ESRP1: variants seen among roughly 807,000 people sequenced by gnomAD.
ESRP1 encodes epithelial splicing regulatory protein 1.
A neutral mutation model predicts 81.7 loss-of-function variants in ESRP1; 33 were observed. That is an observed-to-expected ratio of 0.40 (90% CI 0.31 to 0.54). ESRP1 has a LOEUF of 0.54. ESRP1 is among the 20% of genes least tolerant of loss of function. ESRP1 has a pLI of 0.41. For missense variants in ESRP1, 672 were observed against 833.1 expected (o/e 0.81, Z 2.38); for synonymous variants, 320 against 303.3 (o/e 1.06, Z -0.57).
At chr8:94,683,638 A>G (rs573969838) in intron 13 of ESRP1, among the ~76,000 whole-genome samples, 2 of 152,364 alleles carry the variant, frequency 1.3e-5, no homozygotes, top group South Asian at 4.1e-4. Context: ...ACAAATGCAG[A>G]CAAGAATTTA....
intron 10 of ESRP1, among the ~76,000 whole-genome samples, chr8:94,670,899 A>G (rs998263732): frequency 1.3e-5 from 2 of 152,184 alleles, no homozygotes; most frequent in Non-Finnish European, 2.9e-5. Context: ...GTCTTGTGCT[A>G]TTATTCAGCA....
chr8:94,681,425 G>A (rs1316953105), intron 13 of ESRP1, among the ~76,000 whole-genome samples: 1 of 150,294 alleles, frequency 6.7e-6, no homozygotes, highest in Non-Finnish European at 1.5e-5. Flanking sequence ...ATCACTTGAG[G>A]TTAGGAGTTT....
Position 94,651,987 on chromosome 8 carries a change from C to CTTTTT in ESRP1, c.490+5724_490+5728dup, listed in dbSNP as rs35903773. ...TGTCTTTGTATTTGTTCTAAAACGC[C>CTTTTT]TTTTTTTTTTTTTTTTTTTTTTTGA... is the stretch of plus-strand genomic sequence containing the variant. On this transcript the variant is annotated intron_variant, in intron 4 of 15. Coordinates refer to ENST00000433389, the MANE Select transcript of ESRP1 (RefSeq NM_017697.4). Among the ~76,000 whole-genome samples, 206 of 65,212 alleles carry CTTTTT rather than the reference C, an allele frequency of 3.2e-3. 14 individuals are homozygous for CTTTTT. The highest frequency in any genetic ancestry group is 6.9e-3 in the African/African-American group (96 of 13,986). The allele number at this position is 65,212 out of a possible 152,430, so 42.8% of individuals were successfully genotyped here.
At chr8:94,699,138 G>A (rs1809716084) in intron 15 of ESRP1, among the ~76,000 whole-genome samples, 1 of 152,142 alleles carries the variant, frequency 6.6e-6, no homozygotes, top group Non-Finnish European at 1.5e-5. Context: ...AATAAGAAAT[G>A]ACTGGAAATG....
Position 94,706,303 on chromosome 8 carries a change from T to C in ESRP1, c.*414T>C. ...TGAACTCTGTTAAGGAAGCTTCATT[T>C]TTGTATATTCCCGCTCTTTTCTCTT... On this transcript the variant is annotated 3_prime_UTR_variant, in exon 16 of 16. Coordinates refer to ENST00000433389, the MANE Select transcript of ESRP1 (RefSeq NM_017697.4). 1 of 213,384 alleles carries C rather than the reference T, an allele frequency of 4.7e-6. No homozygotes were observed. The highest frequency in any genetic ancestry group is 9.3e-6 in the Non-Finnish European group (1 of 107,590). The allele number at this position is 213,384 out of a possible 1,614,324, so 13.2% of individuals were successfully genotyped here.
At position 94,680,570 on chromosome 8, in the gene ESRP1, G is replaced by C. The variant is rs964438982; in HGVS notation, c.1820+2199G>C. On this transcript the variant is annotated intron_variant, in intron 13 of 15. Coordinates refer to ENST00000433389, the MANE Select transcript of ESRP1 (RefSeq NM_017697.4). Reference sequence around the variant, plus strand: ...AGCCTCCTGAGTAGCTGGCATTACAGGCATGTGCCACCATGCCCGGCTAAT... The same window carrying C: ...AGCCTCCTGAGTAGCTGGCATTACACGCATGTGCCACCATGCCCGGCTAAT... Among the ~76,000 whole-genome samples the C allele has an allele frequency of 4.6e-5, 7 of 152,164 alleles. No homozygotes were observed. In the South Asian group the frequency reaches 1.2e-3, roughly 27 times the overall value.
intron 5 of ESRP1, 25 bp from the exon 6 acceptor site, chr8:94,662,476 A>G (rs543988991): frequency 1.3e-6 from 2 of 1,589,290 alleles, no homozygotes; most frequent in East Asian, 4.5e-5. Context: ...CACTAAAATG[A>G]TGACTTTTAT....
intron 14 of ESRP1, among the ~76,000 whole-genome samples, chr8:94,695,894 C>A (rs918895693): frequency 6.6e-6 from 1 of 152,066 alleles, no homozygotes; most frequent in African/African-American, 2.4e-5. Flanking sequence ...GAAACCCTGT[C>A]TGTACTAAAA....
chr8:94,683,377 C>T (rs1328291615), intron 13 of ESRP1, among the ~76,000 whole-genome samples: 1 of 152,174 alleles, frequency 6.6e-6, no homozygotes, highest in Non-Finnish European at 1.5e-5. Flanking sequence ...GAGAGGCTTA[C>T]ATTTCCTATT....
rs770640220 is a variant in ESRP1, at chr8:94,674,420, A to G, written c.1565A>G (p.Gln522Arg). The G allele has an allele frequency of 2.5e-6, 4 of 1,614,054 alleles. No homozygotes were observed. In the South Asian group the frequency reaches 3.3e-5, roughly 13 times the overall value. ...AAGGACAGATATGTTGAAGTCTTTC[A>G]GTGTTCAGCTGAGGAGATGAACTTT... ...NMKDRYVEVF[Q>R]CSAEEMNFVL... Residue 522 changes from glutamine to arginine, a missense_variant, in exon 12 of 16, where the codon CAG (glutamine) becomes CGG (arginine). By Grantham distance (43) the Gln-to-Arg change is conservative. Coordinates refer to ENST00000433389, the MANE Select transcript of ESRP1 (RefSeq NM_017697.4).
intron 10 of ESRP1, among the ~76,000 whole-genome samples, chr8:94,668,788 C>CCTGTGTGTGTGTGTGTGTGTGTGTGTGT (rs771754492): frequency 1.3e-5 from 1 of 76,754 alleles, no homozygotes; most frequent in Admixed American, 1.4e-4. Flanking sequence ...TAGCTTTCAG[C>CCTGTGTGTGTGTGTGTGTGTGTGTGTGT]ATGTGTGTGT....
intron 15 of ESRP1, among the ~76,000 whole-genome samples, chr8:94,698,176 G>T (rs1279132356): frequency 6.6e-6 from 1 of 152,140 alleles, no homozygotes; most frequent in Non-Finnish European, 1.5e-5. Flanking sequence ...TCACATTATT[G>T]TGCAGCCAGG....
chr8:94,688,341 G>T, intron 13 of ESRP1: 1 of 243,036 alleles, frequency 4.1e-6, no homozygotes, highest in South Asian at 6.2e-5. Context: ...TCCAGTTTCT[G>T]ACTGATGATG....
At chr8:94,689,810 G>GTTTTTTTTTT (rs1563545236) in intron 13 of ESRP1, among the ~76,000 whole-genome samples, 3 of 55,330 alleles carry the variant, frequency 5.4e-5, no homozygotes, top group African/African-American at 2.0e-4. Flanking sequence ...ATGATGCCTG[G>GTTTTTTTTTT]CTTTTTTTTT....
intron 12 of ESRP1, 79 bp from the exon 13 acceptor site, chr8:94,678,124 G>A: frequency 1.4e-6 from 2 of 1,444,448 alleles, no homozygotes; most frequent in East Asian, 2.3e-5. Flanking sequence ...AGATGGAACA[G>A]TGACTATGTT....
At position 94,641,220 on chromosome 8, in the gene ESRP1, T is replaced by A. The variant is rs1817565502; in HGVS notation, c.-99T>A. 1.6e-6 allele frequency: 2 copies of A among 1,214,598 alleles called. No homozygotes were observed. The highest frequency in any genetic ancestry group is 2.8e-5 in the Admixed American group (1 of 35,778). 75.2% of individuals were successfully genotyped at this position (1,214,598 alleles called of 1,614,324 possible). ...GGAAGGGGGGTGGGCGCTCTTTCTT[T>A]TTCTCTTAGAAGAGGGTTTAGCACA... On this transcript the variant is annotated 5_prime_UTR_variant, in exon 1 of 16. Transcript: ENST00000433389.
intron 4 of ESRP1, among the ~76,000 whole-genome samples, chr8:94,654,245 G>T (rs949946995): frequency 2.0e-5 from 3 of 152,164 alleles, no homozygotes; most frequent in African/African-American, 7.2e-5. Flanking sequence ...TTGAACCTGG[G>T]TGGCGGAGGT....
rs116357305 is a variant in ESRP1, at chr8:94,697,272, A to G, written c.*35+311A>G. Reference sequence around the variant, plus strand: ...TTTTTTTAATTGAGGTAAAAATTACATAACATAAAATTAACCATTTTAAAC... The same window carrying G: ...TTTTTTTAATTGAGGTAAAAATTACGTAACATAAAATTAACCATTTTAAAC... On this transcript the variant is annotated intron_variant, in intron 15 of 15. Transcript: ENST00000433389. 5.1e-3 allele frequency among the ~76,000 whole-genome samples: 780 copies of G among 152,318 alleles called. 9 individuals are homozygous for G. The highest frequency in any genetic ancestry group is 0.018 in the African/African-American group (742 of 41,556).
At chr8:94,648,249 C>A (rs958979447) in intron 4 of ESRP1, among the ~76,000 whole-genome samples, 3 of 152,038 alleles carry the variant, frequency 2.0e-5, no homozygotes. Context: ...AGAGCAAGAC[C>A]CTGTCTCAAA....
Sources: allele counts gnomAD v4.1 joint callset (sites outside exome capture counted in the v4.1 genomes callset), GRCh38; gene constraint gnomAD v4.1.1; transcripts MANE v1.5; gene names NCBI Gene and HGNC (gene_info 2026-07-23, HGNC 2026-07-21).